The following SLC45A4 variants were observed in gnomAD, a reference collection of about 807,000 sequenced individuals.
SLC45A4 encodes the protein solute carrier family 45 member 4.
SLC45A4 carries 32 observed loss-of-function variants against 63.7 expected under a neutral mutation model. The observed-to-expected ratio is 0.50, with a 90% CI of 0.38 to 0.67. The LOEUF (loss-of-function observed/expected upper bound fraction) is 0.67. SLC45A4 is among the 30% of genes least tolerant of loss of function. SLC45A4 has a pLI of 0.00. For missense variants in SLC45A4, 1,027 were observed against 1,157.7 expected (o/e 0.89, Z 1.64); for synonymous variants, 535 against 510.0 (o/e 1.05, Z -0.66).
chr8:141,254,284 T>C lies in SLC45A4; in HGVS notation c.-55A>G. On this transcript the variant is annotated 5_prime_UTR_variant, in exon 2 of 9. Coordinates refer to ENST00000517878, the MANE Select transcript of SLC45A4 (RefSeq NM_001286646.2). The surrounding 1 kb of genome is among the most constrained non-coding windows in gnomAD (Gnocchi z 4.5). ...ATATTCTATCTATATAAATAATGCT[T>C]TCATATATCTGTAATGATAAATTAA... 7.0e-7 allele frequency: 1 copy of C among 1,427,150 alleles called. No individual in the cohort carries two copies. The highest frequency in any genetic ancestry group is 9.2e-7 in the Non-Finnish European group (1 of 1,083,900). The allele number at this position is 1,427,150 out of a possible 1,614,324, so 88.4% of individuals were successfully genotyped here. A position where few individuals can be genotyped will look rare whatever the true frequency, so the allele number is the denominator to read the frequency against.
At chr8:141,251,436 C>T (rs769872955) in intron 2 of SLC45A4, among the ~76,000 whole-genome samples, 9 of 151,920 alleles carry the variant, frequency 5.9e-5, no homozygotes, top group Non-Finnish European at 1.2e-4. Context: ...CTTTCTTTCT[C>T]GAAGCGCCCC....
chr8:141,236,029 G>A (rs749204438), intron 2 of SLC45A4, among the ~76,000 whole-genome samples: 3 of 152,086 alleles, frequency 2.0e-5, no homozygotes, highest in African/African-American at 7.2e-5. Flanking sequence ...GCTTGAACCC[G>A]GGAGGTGGAG....
At position 141,218,570 on chromosome 8, in the gene SLC45A4, G is replaced by A. The variant is rs1826351885; in HGVS notation, c.1070C>T (p.Pro357Leu). The A allele has an allele frequency of 6.2e-7, 1 of 1,613,556 alleles. No individual in the cohort carries two copies. Among genetic ancestry groups the A allele is most frequent in the South Asian group, 1.1e-5 (1 of 91,086 alleles). Reference protein sequence around the residue: ...TSQELAKTKLPRLATFLKEAA... With the variant: ...TSQELAKTKLLRLATFLKEAA... The stretch of plus-strand genomic sequence containing the variant: ...TTCCTTGAGGAAGGTGGCCAGGCGG[G>A]GCAGCTTGGTCTTGGCGAGCTCCTG... Residue 357 changes from proline (P) to leucine (L), a missense_variant, in exon 5 of 9, where the codon CCC becomes CTC. Transcript: ENST00000517878.
chr8:141,265,257 G>A (rs866214890), intron 1 of SLC45A4, among the ~76,000 whole-genome samples: 1 of 152,324 alleles, frequency 6.6e-6, no homozygotes, highest in Middle Eastern at 3.4e-3. Context: ...CCCATGTGGT[G>A]CATATTTCCT....
intron 1 of SLC45A4, among the ~76,000 whole-genome samples, chr8:141,280,260 G>T (rs1286203149): frequency 6.6e-6 from 1 of 152,200 alleles, no homozygotes; most frequent in Non-Finnish European, 1.5e-5. Flanking sequence ...TCACTGGCTC[G>T]TGAGGGCGGG....
At chr8:141,216,056 C>A (rs937499661) in intron 6 of SLC45A4, 86 bp from the exon 7 acceptor site, 18 of 1,230,168 alleles carry the variant, frequency 1.5e-5, no homozygotes, top group Non-Finnish European at 1.8e-5. Context: ...CCTCGCCCCC[C>A]ACATCCCCCC....
rs372234359 is a variant in SLC45A4 at position 141,256,779 on chromosome 8, G to A, written c.-400-2150C>T. 46 of 358,448 alleles carry A rather than the reference G, an allele frequency of 1.3e-4. 1 individual carries two copies. Among genetic ancestry groups the A allele is most frequent in the East Asian group, 7.6e-4 (10 of 13,196 alleles). 22.2% of individuals were successfully genotyped at this position (358,448 alleles called of 1,614,324 possible). A position where few individuals can be genotyped will look rare whatever the true frequency, so the allele number is the denominator to read the frequency against. ...TCAAGTTTTCCAAATGTCCTCTACC[G>A]TAGAAACATCTCAATTAAAACAAGA... On this transcript the variant is annotated intron_variant, in intron 1 of 8. Coordinates refer to ENST00000517878, the MANE Select transcript of SLC45A4 (RefSeq NM_001286646.2). The surrounding 1 kb of genome is among the most constrained non-coding windows in gnomAD (Gnocchi z 4.3).
At chr8:141,236,291 C>T (rs531900179) in intron 2 of SLC45A4, among the ~76,000 whole-genome samples, 3 of 152,318 alleles carry the variant, frequency 2.0e-5, no homozygotes, top group Admixed American at 6.5e-5. Flanking sequence ...TCTTCCCTCT[C>T]GCCCAGCCCT....
intron 2 of SLC45A4, among the ~76,000 whole-genome samples, chr8:141,251,714 C>T (rs1441583481): frequency 6.6e-6 from 1 of 151,876 alleles, no homozygotes; most frequent in African/African-American, 2.4e-5. Context: ...TGAAAAAAGA[C>T]ACAGGATTGC....
At position 141,251,220 on chromosome 8, in the gene SLC45A4, G is replaced by A. The variant is rs115678552; in HGVS notation, c.241+2769C>T. On this transcript the variant is annotated intron_variant, in intron 2 of 8. Transcript: ENST00000517878. ...CCAAGTCCTCACATACTGAAGGGAC[G>A]AAATAAATGTTTAGTAAAATTAACT... Among the ~76,000 whole-genome samples, 266 of 152,212 alleles carry A rather than the reference G, an allele frequency of 1.7e-3. 1 individual carries two copies. Among genetic ancestry groups the A allele is most frequent in the African/African-American group, 6.2e-3 (259 of 41,520 alleles).
Position 141,211,226 on chromosome 8 carries a change from T to G in SLC45A4, c.*346A>C, listed in dbSNP as rs1360406364. ...GGTTTAGAGACGAATCAAAGTGCAG[T>G]GAAAGTCAACGTTTCCTTCCCCCTG... is the stretch of plus-strand genomic sequence containing the variant. On this transcript the variant is annotated 3_prime_UTR_variant, in exon 9 of 9. Coordinates refer to ENST00000517878, the MANE Select transcript of SLC45A4 (RefSeq NM_001286646.2). The G allele has an allele frequency of 4.6e-6, 2 of 437,652 alleles. No individual in the cohort carries two copies. Among genetic ancestry groups the G allele is most frequent in the Non-Finnish European group, 8.0e-6 (2 of 248,688 alleles). 27.1% of individuals were successfully genotyped at this position (437,652 alleles called of 1,614,324 possible). A position where few individuals can be genotyped will look rare whatever the true frequency, so the allele number is the denominator to read the frequency against.
At chr8:141,307,224 G>A (rs1830924651) in intron 1 of SLC45A4, among the ~76,000 whole-genome samples, 1 of 152,262 alleles carries the variant, frequency 6.6e-6, no homozygotes, top group South Asian at 2.1e-4. Flanking sequence ...ATACCTGGGG[G>A]AGGAACGGGT....
rs1165316199 is a variant in SLC45A4, at chr8:141,253,985, T to A, written c.241+4A>T. On this transcript the variant is annotated splice_donor_region_variant and intron_variant, in intron 2 of 8. Transcript: ENST00000517878. ...CACTGCGCACAGACGGGGAGGAGAC[T>A]TACCAATCTGCAACAGTATTGGTGT... 1 of 1,536,066 alleles carries A rather than the reference T, an allele frequency of 6.5e-7. No homozygotes were observed. The highest frequency in any genetic ancestry group is 1.2e-5 in the South Asian group (1 of 84,064).
intron 1 of SLC45A4, among the ~76,000 whole-genome samples, chr8:141,266,514 A>G (rs556073908): frequency 6.6e-6 from 1 of 152,320 alleles, no homozygotes; most frequent in South Asian, 2.1e-4. Context: ...ACGGAGAGGA[A>G]CACTAACAGC....
chr8:141,295,809 C>T (rs1038094474), intron 1 of SLC45A4, among the ~76,000 whole-genome samples: 3 of 152,240 alleles, frequency 2.0e-5, no homozygotes, highest in African/African-American at 7.2e-5. Flanking sequence ...AGGCTGAAGG[C>T]CTTGAGTGCC....
Position 141,211,647 on chromosome 8 carries a change from C to T in SLC45A4, c.2352G>A (p.Pro784=), listed in dbSNP as rs200439120. ...VCQISSHWLV[P]QLLESIFLYD... is the part of the protein sequence containing the mutation. The stretch of plus-strand genomic sequence containing the variant: ...AAAGAAAAATACTCTCCAACAGCTG[C>T]GGCACCAGCCAATGTGACGAGATCT... Residue 784 remains proline, a synonymous_variant, in exon 9 of 9, where the codon CCG becomes CCA. Transcript: ENST00000517878. The T allele has an allele frequency of 1.0e-4, 164 of 1,609,202 alleles. 1 individual carries two copies. The highest frequency in any genetic ancestry group is 7.8e-4 in the South Asian group (71 of 90,456).
At chr8:141,217,011 T>C (rs1826194693) in intron 6 of SLC45A4, 79 bp downstream of exon 6, 4 of 1,430,156 alleles carry the variant, frequency 2.8e-6, no homozygotes, top group African/African-American at 1.4e-5. Context: ...GCTTCTAAGG[T>C]GCAGGATTCT....
intron 1 of SLC45A4, among the ~76,000 whole-genome samples, chr8:141,288,161 G>A (rs766142445): frequency 6.6e-6 from 1 of 152,150 alleles, no homozygotes; most frequent in African/African-American, 2.4e-5. Flanking sequence ...CAGCCTGGGC[G>A]ACAGGCTTGA....
chr8:141,245,734 A>AG (rs1828157440), intron 2 of SLC45A4, among the ~76,000 whole-genome samples: 1 of 152,160 alleles, frequency 6.6e-6, no homozygotes, highest in South Asian at 2.1e-4. Flanking sequence ...AGTCAAGGGC[A>AG]GGGGGAAGGG....
Sources: allele counts gnomAD v4.1 joint callset (sites outside exome capture counted in the v4.1 genomes callset), GRCh38; gene constraint gnomAD v4.1.1; non-coding constraint Gnocchi (gnomAD v3.1); transcripts MANE v1.5; gene names NCBI Gene and HGNC (gene_info 2026-07-23, HGNC 2026-07-21).